MYL4: variants seen among roughly 807,000 people sequenced by gnomAD.
MYL4 encodes myosin light chain 4.
Under a neutral mutation model 21.6 loss-of-function variants are expected in MYL4, and 16 were observed. That is an observed-to-expected ratio of 0.74 (90% CI 0.50 to 1.12). The LOEUF is 1.12. Ranked by LOEUF, MYL4 falls within the 50% of genes most tolerant of loss-of-function variation. The probability of loss-of-function intolerance (pLI) is 0.00; values close to 1 mark genes in which losing one functional copy is unlikely to be tolerated. For synonymous variants in MYL4, 82 were observed against 95.7 expected, an observed-to-expected ratio of 0.86 and a Z score of 0.83; for missense variants, 249 against 252.9, an observed-to-expected ratio of 0.98 and a Z score of 0.11.
At chr17:47,193,990 T>C in the MYL4 span, among the ~76,000 whole-genome samples, 6 of 152,180 alleles carry the variant, frequency 3.9e-5, no homozygotes, top group Non-Finnish European at 7.4e-5. Flanking sequence ...CCTTAGGTGA[T>C]CCACCCACCT....
upstream of MYL4, among the ~76,000 whole-genome samples, chr17:47,197,027 T>A (rs1030737169): frequency 4.0e-5 from 6 of 149,622 alleles, no homozygotes; most frequent in African/African-American, 1.5e-4. Context: ...ACATGATGCT[T>A]TTTTTTTGAC....
rs778319679 is a variant in MYL4, at chr17:47,212,513, C to T, written c.136-1286C>T. On this transcript the variant is annotated intron_variant, in intron 1 of 6. Transcript: ENST00000393450. ...GCCCATGCCAATTGCTCTTGCTGTC[C>T]CAGAGTGCCTAAGAGTGTGTCAGAA... 6.6e-5 allele frequency among the ~76,000 whole-genome samples: 10 copies of T among 152,182 alleles called. 1 individual carries two copies. In the Middle Eastern group the frequency reaches 0.02, roughly 311 times the overall value.
At chr17:47,201,557 A>G (rs1378429210) in intron 1 of MYL4, among the ~76,000 whole-genome samples, 1 of 151,924 alleles carries the variant, frequency 6.6e-6, no homozygotes, top group Admixed American at 6.6e-5. Context: ...CCCAGGTTCA[A>G]GTGATTCTCA....
At chr17:47,210,404 G>A (rs755925489) in intron 1 of MYL4, among the ~76,000 whole-genome samples, 78 of 152,296 alleles carry the variant, frequency 5.1e-4, no homozygotes, top group Non-Finnish European at 9.6e-4. Flanking sequence ...GCTGAAGAGG[G>A]AGGGGGCCAG....
upstream of MYL4, among the ~76,000 whole-genome samples, chr17:47,208,426 C>G (rs1434469514): frequency 6.6e-6 from 1 of 152,042 alleles, no homozygotes; most frequent in Non-Finnish European, 1.5e-5. Context: ...AGAGCGATAC[C>G]TTGTTTCTGT....
chr17:47,205,064 G>T (rs1460617306), upstream of MYL4, among the ~76,000 whole-genome samples: 3 of 152,176 alleles, frequency 2.0e-5, no homozygotes, highest in Non-Finnish European at 4.4e-5. Context: ...GAAGGGAGGA[G>T]GAGGAGTGAG....
downstream of MYL4, among the ~76,000 whole-genome samples, chr17:47,224,509 CTG>C (rs1048887938): frequency 3.1e-4 from 47 of 152,282 alleles, no homozygotes; most frequent in African/African-American, 1.1e-3. Flanking sequence ...AGCAGAAACA[CTG>C]TACTCAATAA....
chr17:47,208,326 C>T (rs191466510), upstream of MYL4, among the ~76,000 whole-genome samples: 57 of 152,152 alleles, frequency 3.7e-4, no homozygotes, highest in Non-Finnish European at 6.6e-4. Flanking sequence ...CCCAGCTACT[C>T]GGAAGGCTGA....
chr17:47,219,868 G>C (rs1459731134), intron 2 of MYL4, 36 bp from the exon 3 acceptor site: 2 of 1,613,770 alleles, frequency 1.2e-6, no homozygotes, highest in Admixed American at 3.3e-5. Flanking sequence ...ACCTTCACTG[G>C]GGATTGGAAG....
chr17:47,190,934 T>C, the MYL4 span, among the ~76,000 whole-genome samples: 29 of 152,328 alleles, frequency 1.9e-4, no homozygotes, highest in African/African-American at 6.7e-4. Flanking sequence ...GGCTGAAAGA[T>C]TCAAGATGGC....
At chr17:47,225,872 T>A (rs2064883657), downstream of MYL4, among the ~76,000 whole-genome samples, 1 of 150,970 alleles carries the variant, frequency 6.6e-6, no homozygotes, top group African/African-American at 2.4e-5. Context: ...TTTTTTTTTT[T>A]TTTGGTTTTT....
At chr17:47,197,403 C>T (rs2064693482), upstream of MYL4, among the ~76,000 whole-genome samples, 1 of 152,044 alleles carries the variant, frequency 6.6e-6, no homozygotes, top group South Asian at 2.1e-4. Context: ...CGGCCAAATC[C>T]TTAAGGGATT....
the MYL4 span, among the ~76,000 whole-genome samples, chr17:47,195,239 T>C: frequency 6.6e-6 from 1 of 150,790 alleles, no homozygotes; most frequent in Non-Finnish European, 1.5e-5. Flanking sequence ...ATTTTTTTTT[T>C]TTTTTTTGAG....
chr17:47,198,713 G>T (rs115240610), upstream of MYL4, among the ~76,000 whole-genome samples: 183 of 152,230 alleles, frequency 1.2e-3, no homozygotes, highest in African/African-American at 4.1e-3. Flanking sequence ...TTGGCCAGGC[G>T]CAGTAGCTCA....
intron 5 of MYL4, 23 bp from the exon 6 acceptor site, chr17:47,222,983 ACATGGTGG>A (rs1253716774): frequency 6.2e-7 from 1 of 1,614,040 alleles, no homozygotes; most frequent in Non-Finnish European, 8.5e-7. Context: ...GCGCTGAGCC[ACATGGTGG>A]CTGATTTTCA....
At chr17:47,190,186 A>AG in the MYL4 span, among the ~76,000 whole-genome samples, 29 of 152,318 alleles carry the variant, frequency 1.9e-4, no homozygotes, top group African/African-American at 6.7e-4. Flanking sequence ...TGGGAAGAGT[A>AG]GGGGGTCGGA....
chr17:47,189,487 C>T, the MYL4 span: 1 of 456,874 alleles, frequency 2.2e-6, no homozygotes. Context: ...TTTCTCTTCT[C>T]AGCCACGCCT....
downstream of MYL4, among the ~76,000 whole-genome samples, chr17:47,226,213 T>C (rs115004906): frequency 2.0e-5 from 3 of 152,188 alleles, no homozygotes; most frequent in Admixed American, 6.5e-5. Context: ...CCAAATAGCA[T>C]AGGGATAACT....
At chr17:47,211,945 C>T (rs981279768) in intron 1 of MYL4, among the ~76,000 whole-genome samples, 2 of 152,162 alleles carry the variant, frequency 1.3e-5, no homozygotes, top group African/African-American at 2.4e-5. Context: ...ATGACTTGGG[C>T]TGGGTGTGGT....
Sources: allele counts gnomAD v4.1 joint callset (sites outside exome capture counted in the v4.1 genomes callset), GRCh38; gene constraint gnomAD v4.1.1; transcripts MANE v1.5; gene names NCBI Gene and HGNC (gene_info 2026-07-23, HGNC 2026-07-21).